The following SPATA22 variants were observed in gnomAD, a reference collection of about 807,000 sequenced individuals.
SPATA22 encodes spermatogenesis-associated protein 22.
SPATA22 carries 29 observed loss-of-function variants against 47.8 expected under a neutral mutation model. The observed-to-expected ratio is 0.61, with a 90% confidence interval of 0.45 to 0.83. The LOEUF (loss-of-function observed/expected upper bound fraction) is 0.83. SPATA22 is among the 40% of genes least tolerant of loss of function. SPATA22 has a pLI of 0.00. For synonymous variants in SPATA22, 133 were observed against 140.9 expected, an observed-to-expected ratio of 0.94 and a Z score of 0.40; for missense variants, 410 against 421.7, an observed-to-expected ratio of 0.97 and a Z score of 0.24.
At chr17:3,471,827 T>TCG, upstream of SPATA22, 1 of 985,406 alleles carries the variant, frequency 1.0e-6, no homozygotes, top group Non-Finnish European at 1.2e-6. Context: ...ATCAGGCTGT[T>TCG]CGCAGGCGCC....
At chr17:3,496,301 A>C (rs1046011966) in intron 1 of SPATA22, among the ~76,000 whole-genome samples, 1 of 152,244 alleles carries the variant, frequency 6.6e-6, no homozygotes, top group Non-Finnish European at 1.5e-5. Context: ...ATGAATAAGT[A>C]AACAATATGT....
chr17:3,490,511 G>A lies in SPATA22; in HGVS notation c.-73-21113C>T, dbSNP rs1367177088. On this transcript the variant is annotated intron_variant, in intron 1 of 8. Transcript: ENST00000541913. The surrounding 1 kb of genome is among the most constrained non-coding windows in gnomAD (Gnocchi z 4.6). ...GGGGGTGTGTACTTCGGTGTCTGTG[G>A]GGAGTGAATTCCTCAACCTCAGATC... is the stretch of plus-strand genomic sequence containing the variant. Among the ~76,000 whole-genome samples the A allele has an allele frequency of 6.6e-6, 1 of 151,328 alleles. No homozygotes were observed. Among genetic ancestry groups the A allele is most frequent in the Non-Finnish European group, 1.5e-5 (1 of 67,704 alleles).
intron 3 of SPATA22, among the ~76,000 whole-genome samples, chr17:3,465,804 AAAC>A (rs2073295434): frequency 6.6e-6 from 1 of 151,896 alleles, no homozygotes; most frequent in Non-Finnish European, 1.5e-5. Context: ...AAACAAAAAA[AAAC>A]AACACTGATG....
At chr17:3,452,916 G>T (rs1047320515) in intron 5 of SPATA22, among the ~76,000 whole-genome samples, 3 of 152,112 alleles carry the variant, frequency 2.0e-5, no homozygotes, top group Non-Finnish European at 4.4e-5. Flanking sequence ...AAAAGCCCAG[G>T]ACCAGATGAC....
chr17:3,488,499 A>G lies in SPATA22; in HGVS notation c.-73-19101T>C, dbSNP rs1597438272. On this transcript the variant is annotated intron_variant, in intron 1 of 8. Coordinates refer to the SPATA22 transcript ENST00000541913. The surrounding 1 kb of genome is among the most constrained non-coding windows in gnomAD (Gnocchi z 6.1). ...TGGTGAAACCCTGCCTCTACTAAAA[A>G]TATAAAAATAAGCCAGGAATGGTGG... Among the ~76,000 whole-genome samples, 1 of 152,174 alleles carries G rather than the reference A, an allele frequency of 6.6e-6. No homozygotes were observed.
At chr17:3,512,326 C>T (rs5010536) in intron 1 of SPATA22, 1 of 1,486 alleles carries the variant, frequency 6.7e-4, no homozygotes, top group Non-Finnish European at 0.01. Flanking sequence ...TGTGAAGCCT[C>T]ACACACCCCA....
rs375736464 is a variant in SPATA22 at position 3,499,013 on chromosome 17, C to T, written c.-74+14399G>A. 56 of 1,614,006 alleles carry T rather than the reference C, an allele frequency of 3.5e-5. No homozygotes were observed. The highest frequency in any genetic ancestry group is 4.5e-5 in the East Asian group (2 of 44,900). ...TGTTTGTGAATGAGGCCGCATATTA[C>T]GAAAAGAAAGAAGCTTTTGCAAAGA... On this transcript the variant is annotated intron_variant, in intron 1 of 8. Coordinates refer to the SPATA22 transcript ENST00000541913.
At chr17:3,505,861 G>C (rs143914352) in intron 1 of SPATA22, among the ~76,000 whole-genome samples, 130 of 151,390 alleles carry the variant, frequency 8.6e-4, no homozygotes, top group Middle Eastern at 3.4e-3. Context: ...GGGTTCCAGC[G>C]ATTCTCGTGC....
intron 1 of SPATA22, among the ~76,000 whole-genome samples, chr17:3,508,343 G>A (rs1261920325): frequency 1.3e-5 from 2 of 151,312 alleles, no homozygotes; most frequent in African/African-American, 4.9e-5. Flanking sequence ...TCAGTGTGGC[G>A]ATTCCTCAGG....
intron 1 of SPATA22, chr17:3,513,388 C>G (rs1246123785): frequency 6.5e-6 from 1 of 153,350 alleles, no homozygotes; most frequent in Non-Finnish European, 1.5e-5. Flanking sequence ...GCATTCCCCT[C>G]CTCCCCCAGG....
At chr17:3,478,855 T>C (rs2073578862) in intron 1 of SPATA22, among the ~76,000 whole-genome samples, 1 of 152,218 alleles carries the variant, frequency 6.6e-6, no homozygotes, top group African/African-American at 2.4e-5. Flanking sequence ...CCCTAGAACC[T>C]TCCCAGTCCT....
intron 1 of SPATA22, chr17:3,481,861 A>T: frequency 7.2e-7 from 1 of 1,385,844 alleles, no homozygotes; most frequent in Non-Finnish European, 1.0e-6. Context: ...TCAATTATGG[A>T]TGTGAGACAA....
chr17:3,464,034 G>C (rs1228870859), intron 3 of SPATA22, among the ~76,000 whole-genome samples: 3 of 148,308 alleles, frequency 2.0e-5, no homozygotes, highest in African/African-American at 7.4e-5. Context: ...ATGCCAAGCC[G>C]AAGCTGGACT....
intron 5 of SPATA22, among the ~76,000 whole-genome samples, chr17:3,452,567 G>A (rs964096306): frequency 4.0e-5 from 6 of 151,824 alleles, no homozygotes; most frequent in African/African-American, 1.5e-4. Flanking sequence ...CTCCAGCCTG[G>A]CAACAGAGTG....
intron 1 of SPATA22, among the ~76,000 whole-genome samples, chr17:3,484,632 AC>A (rs1302212510): frequency 6.6e-6 from 1 of 152,378 alleles, no homozygotes; most frequent in East Asian, 1.9e-4. Flanking sequence ...ATAGAGCAAT[AC>A]TTTTGTAAAA....
chr17:3,465,207 G>A (rs1597408062), intron 3 of SPATA22, among the ~76,000 whole-genome samples: 2 of 128,758 alleles, frequency 1.6e-5, no homozygotes, highest in East Asian at 2.2e-4. Flanking sequence ...GGTGAGGGGC[G>A]CCTCTGCCCG....
Position 3,449,096 on chromosome 17 carries a change from A to C in SPATA22, c.383T>G (p.Phe128Cys), listed in dbSNP as rs2150702228. Residue 128 changes from phenylalanine to cysteine, a missense_variant, in exon 6 of 9, where the codon TTT becomes TGT. Physicochemically the swap from Phe to Cys is radical, Grantham distance 205. Coordinates refer to ENST00000572969, the MANE Select transcript of SPATA22 (RefSeq NM_001170698.2). ...TSLKTWNKNDFKPQCKRTNLV... is the reference protein window; with the variant it reads ...TSLKTWNKNDCKPQCKRTNLV... Reference sequence around the variant, plus strand: ...GTTTGTTCGTTTACATTGAGGCTTAAAATCATTTTTATTCCAAGTTTTCAA... The same window carrying C: ...GTTTGTTCGTTTACATTGAGGCTTACAATCATTTTTATTCCAAGTTTTCAA... 2 of 1,611,336 alleles carry C rather than the reference A, an allele frequency of 1.2e-6. No homozygotes were observed. The highest frequency in any genetic ancestry group is 4.5e-5 in the East Asian group (2 of 44,806).
At chr17:3,471,319 G>T in intron 1 of SPATA22, 1 of 609,528 alleles carries the variant, frequency 1.6e-6, no homozygotes, top group Non-Finnish European at 2.1e-6. Context: ...GGGCTTACGA[G>T]GGCTATTATG....
intron 3 of SPATA22, among the ~76,000 whole-genome samples, chr17:3,465,803 A>AC (rs2073295312): frequency 6.6e-6 from 1 of 151,866 alleles, no homozygotes. Context: ...AAAACAAAAA[A>AC]AAACAACACT....
Sources: gnomAD v4.1 joint callset for allele counts (sites outside exome capture counted in the v4.1 genomes callset) on GRCh38, gnomAD v4.1.1 for gene constraint, Gnocchi (gnomAD v3.1) non-coding constraint, MANE v1.5 for transcripts, NCBI Gene and HGNC (gene_info 2026-07-23, HGNC 2026-07-21) for gene names.